NARS2: variants seen among roughly 807,000 people sequenced by gnomAD.
NARS2 encodes asparaginyl-tRNA synthetase.
In NARS2, 60 loss-of-function variants were observed where a neutral mutation model predicts 62.9. That is an observed-to-expected ratio of 0.95 (90% CI 0.77 to 1.18). The LOEUF (loss-of-function observed/expected upper bound fraction) is 1.18. Among genes scored for constraint, NARS2 ranks in the 50% most tolerant of loss-of-function variants. The probability of loss-of-function intolerance (pLI) is 0.00; values close to 1 mark genes in which losing one functional copy is unlikely to be tolerated. For synonymous variants in NARS2, 196 were observed against 200.0 expected (o/e 0.98, Z 0.17); for missense variants, 619 against 576.4 (o/e 1.07, Z -0.76).
intron 6 of NARS2, among the ~76,000 whole-genome samples, chr11:78,512,848 CA>C (rs1860767001): frequency 6.6e-6 from 1 of 151,996 alleles, no homozygotes; most frequent in East Asian, 1.9e-4. Flanking sequence ...ATATTGTGTA[CA>C]GGCACTCAAT....
chr11:78,478,387 GATAA>G (rs752480720), intron 9 of NARS2, 47 bp downstream of exon 9: 9 of 808,426 alleles, frequency 1.1e-5, no homozygotes, highest in African/African-American at 5.3e-5. Context: ...AATATAGTGT[GATAA>G]ATACAGTGAT....
At chr11:78,439,923 A>G (rs374614486) in intron 13 of NARS2, among the ~76,000 whole-genome samples, 7 of 152,366 alleles carry the variant, frequency 4.6e-5, no homozygotes, top group Admixed American at 1.3e-4. Flanking sequence ...AAGTGAATGT[A>G]TAAGTACAGA....
chr11:78,574,267 A>C, intron 1 of NARS2, 81 bp downstream of exon 1: 1 of 1,573,326 alleles, frequency 6.4e-7, no homozygotes, highest in South Asian at 1.1e-5. Context: ...GTCTGACCCG[A>C]CTGTAAAAGA....
chr11:78,508,988 G>A (rs1267882012), intron 6 of NARS2, among the ~76,000 whole-genome samples: 1 of 151,684 alleles, frequency 6.6e-6, no homozygotes, highest in Non-Finnish European at 1.5e-5. Flanking sequence ...AGTGGTGCAC[G>A]CATGTAGTCC....
At chr11:78,494,864 C>T (rs776211138) in intron 6 of NARS2, among the ~76,000 whole-genome samples, 2 of 152,158 alleles carry the variant, frequency 1.3e-5, no homozygotes, top group Non-Finnish European at 2.9e-5. Flanking sequence ...TTTCCTCCAG[C>T]TCTGTTAATC....
intron 13 of NARS2, among the ~76,000 whole-genome samples, chr11:78,437,053 T>C (rs1857432074): frequency 6.6e-6 from 1 of 152,230 alleles, no homozygotes; most frequent in Non-Finnish European, 1.5e-5. Context: ...TTGGTCCCTT[T>C]TCCTTTTTAA....
chr11:78,520,726 C>T (rs1001452081), intron 6 of NARS2, among the ~76,000 whole-genome samples: 4 of 152,180 alleles, frequency 2.6e-5, no homozygotes, highest in East Asian at 3.9e-4. Flanking sequence ...TTCATCATTA[C>T]TAATTGTTCC....
At chr11:78,472,387 G>C (rs1202281508) in intron 9 of NARS2, among the ~76,000 whole-genome samples, 2 of 152,114 alleles carry the variant, frequency 1.3e-5, no homozygotes, top group Non-Finnish European at 2.9e-5. Context: ...GCTGTTAAGA[G>C]TAAAATTGCT....
intron 13 of NARS2, among the ~76,000 whole-genome samples, chr11:78,438,915 C>T (rs10899503): frequency 0.28 from 41,996 of 151,760 alleles, 6,581 homozygotes; most frequent in East Asian, 0.41. Flanking sequence ...TCTTAAGGAT[C>T]TGAAAACTTT....
At chr11:78,531,720 T>G (rs926535844) in intron 5 of NARS2, among the ~76,000 whole-genome samples, 1 of 152,236 alleles carries the variant, frequency 6.6e-6, no homozygotes, top group Non-Finnish European at 1.5e-5. Context: ...TGTTTTAGCA[T>G]GTACTTATGT....
chr11:78,483,336 G>T (rs958761501), intron 7 of NARS2, among the ~76,000 whole-genome samples: 21 of 152,168 alleles, frequency 1.4e-4, no homozygotes, highest in African/African-American at 5.1e-4. Context: ...CACAAGACAA[G>T]GATGCCCTCT....
At chr11:78,516,962 G>C (rs1860935349) in intron 6 of NARS2, among the ~76,000 whole-genome samples, 1 of 152,174 alleles carries the variant, frequency 6.6e-6, no homozygotes, top group South Asian at 2.1e-4. Context: ...ACAAGGAGGA[G>C]GTGATGGTGG....
chr11:78,445,013 G>A (rs1024708708), intron 11 of NARS2, among the ~76,000 whole-genome samples: 2 of 152,066 alleles, frequency 1.3e-5, no homozygotes, highest in Non-Finnish European at 2.9e-5. Context: ...CATTACTTAT[G>A]ACAAAAAGTT....
chr11:78,574,375 G>T lies in NARS2; in HGVS notation c.114C>A (p.Asn38Lys). 6.2e-7 allele frequency: 1 copy of T among 1,614,206 alleles called. No individual in the cohort carries two copies. The highest frequency in any genetic ancestry group is 8.5e-7 in the Non-Finnish European group (1 of 1,180,030). The stretch of plus-strand genomic sequence containing the variant: ...GGATCTTAATGCGCTCCCCACTCGC[G>T]TTCTGAGCCCCGAGAGCGTCCCGCA... Reference protein sequence around the residue: ...LSVRDALGAQNASGERIKIQG... With the variant: ...LSVRDALGAQKASGERIKIQG... The change falls in exon 1 of 14, where the codon AAC becomes AAA. Residue 38 changes from asparagine to lysine, a missense_variant. Coordinates refer to ENST00000281038, the MANE Select transcript of NARS2 (RefSeq NM_024678.6).
intron 6 of NARS2, among the ~76,000 whole-genome samples, chr11:78,508,420 C>T (rs943116804): frequency 6.6e-6 from 1 of 151,882 alleles, no homozygotes; most frequent in Non-Finnish European, 1.5e-5. Flanking sequence ...GAAACCCCGT[C>T]TCTACCAAAG....
At chr11:78,452,413 T>G (rs914745238) in intron 11 of NARS2, among the ~76,000 whole-genome samples, 2 of 152,026 alleles carry the variant, frequency 1.3e-5, no homozygotes, top group African/African-American at 4.8e-5. Flanking sequence ...GGCCGATTTT[T>G]TTTTTTATTT....
intron 10 of NARS2, among the ~76,000 whole-genome samples, chr11:78,467,940 G>A (rs868546281): frequency 1.3e-5 from 2 of 151,516 alleles, no homozygotes; most frequent in African/African-American, 4.9e-5. Context: ...TTAAACTCCT[G>A]GGCTCAAGCA....
chr11:78,469,408 C>T (rs529778862), intron 9 of NARS2, 95 bp from the exon 10 acceptor site: 2 of 822,084 alleles, frequency 2.4e-6, no homozygotes, highest in Non-Finnish European at 4.2e-6. Context: ...TCCTATATCA[C>T]ACTGTGAGGT....
intron 5 of NARS2, among the ~76,000 whole-genome samples, chr11:78,543,041 G>A (rs1855689057): frequency 6.6e-6 from 1 of 152,166 alleles, no homozygotes; most frequent in Non-Finnish European, 1.5e-5. Context: ...AGCCAAGTAC[G>A]GTGGTGGGTG....
Sources: gnomAD v4.1 joint callset for allele counts (sites outside exome capture counted in the v4.1 genomes callset) on GRCh38, gnomAD v4.1.1 for gene constraint, MANE v1.5 for transcripts, NCBI Gene and HGNC (gene_info 2026-07-23, HGNC 2026-07-21) for gene names.